Variants in PTPRA observed in about 807,000 individuals in gnomAD.
PTPRA encodes receptor-type tyrosine-protein phosphatase alpha.
Under a neutral mutation model 104.8 loss-of-function variants are expected in PTPRA, and 25 were observed. That is an observed-to-expected ratio of 0.24 (90% CI 0.17 to 0.33). The LOEUF is 0.33. Among genes scored for constraint, PTPRA ranks in the 10% least tolerant of loss-of-function variants. PTPRA has a pLI of 1.00. For synonymous variants in PTPRA, 323 were observed against 368.9 expected (o/e 0.88, Z 1.43); for missense variants, 765 against 1,015.3 (o/e 0.75, Z 3.35).
chr20:2,894,814 G>C (rs559268583), intron 1 of PTPRA, among the ~76,000 whole-genome samples: 1 of 151,776 alleles, frequency 6.6e-6, no homozygotes, highest in African/African-American at 2.4e-5. Flanking sequence ...GTGAAACCCC[G>C]TCTCTACTAA....
chr20:2,904,386 G>A (rs6132984), intron 1 of PTPRA, among the ~76,000 whole-genome samples: 6,462 of 151,914 alleles, frequency 0.043, 313 homozygotes, highest in Admixed American at 0.11. Context: ...GATATAAAAT[G>A]CTGGCCAGGC....
At chr20:2,949,379 G>T (rs965089248) in intron 3 of PTPRA, among the ~76,000 whole-genome samples, 1 of 148,280 alleles carries the variant, frequency 6.7e-6, no homozygotes, top group Non-Finnish European at 1.5e-5. Context: ...CTAAATTCTC[G>T]TAGGTTTTCT....
chr20:3,025,314 A>T (rs781043899), intron 17 of PTPRA, among the ~76,000 whole-genome samples: 17 of 152,056 alleles, frequency 1.1e-4, no homozygotes, highest in Non-Finnish European at 2.4e-4. Flanking sequence ...GTAGCCAGGC[A>T]TGATGGCACA....
chr20:2,982,091 CTTTT>C (rs11475103), intron 6 of PTPRA, among the ~76,000 whole-genome samples: 3 of 136,572 alleles, frequency 2.2e-5, no homozygotes, highest in African/African-American at 2.8e-5. Flanking sequence ...TCTTCTTCTT[CTTTT>C]TTTTTTTTTT....
chr20:2,998,196 A>AAT, intron 9 of PTPRA, among the ~76,000 whole-genome samples: 1 of 143,944 alleles, frequency 6.9e-6, no homozygotes, highest in Non-Finnish European at 1.5e-5. Flanking sequence ...AAAAAAAAAA[A>AAT]GGCTTAGCTC....
chr20:3,023,482 C>T (rs1255275048), intron 16 of PTPRA, among the ~76,000 whole-genome samples: 1 of 152,202 alleles, frequency 6.6e-6, no homozygotes, highest in Non-Finnish European at 1.5e-5. Context: ...GAGAAAACCG[C>T]CTTATGGCTG....
chr20:2,980,683 C>G (rs145769172), intron 6 of PTPRA, among the ~76,000 whole-genome samples: 180 of 152,294 alleles, frequency 1.2e-3, no homozygotes, highest in Admixed American at 1.9e-3. Context: ...CCCCCTCCCC[C>G]CATCTCTACA....
intron 1 of PTPRA, among the ~76,000 whole-genome samples, chr20:2,909,990 TATATATAATCTATCATATATC>T (rs1316989216): frequency 0.028 from 2,498 of 87,724 alleles, 98 homozygotes; most frequent in African/African-American, 0.083. Context: ...TCATATATCA[TATATATAATCTATCATATATC>T]ATATATAATC....
intron 5 of PTPRA, among the ~76,000 whole-genome samples, chr20:2,973,490 T>C (rs1395001862): frequency 2.0e-5 from 3 of 152,162 alleles, no homozygotes; most frequent in African/African-American, 4.8e-5. Context: ...CCAAAGTGTC[T>C]TTCTCTCCCC....
At chr20:2,937,425 C>G (rs1485135917) in intron 2 of PTPRA, among the ~76,000 whole-genome samples, 1 of 152,050 alleles carries the variant, frequency 6.6e-6, no homozygotes, top group Non-Finnish European at 1.5e-5. Flanking sequence ...GCCTGGCACA[C>G]CTTCCTTCTT....
chr20:2,902,556 G>A (rs756211471), intron 1 of PTPRA, among the ~76,000 whole-genome samples: 5 of 152,120 alleles, frequency 3.3e-5, no homozygotes, highest in Non-Finnish European at 7.4e-5. Context: ...ACACATATTG[G>A]AAAGATTGAT....
At chr20:2,931,046 A>AGAGTCTGGACCACTGG (rs1396495854) in intron 2 of PTPRA, among the ~76,000 whole-genome samples, 1 of 152,226 alleles carries the variant, frequency 6.6e-6, no homozygotes, top group African/African-American at 2.4e-5. Context: ...TCAGTAGACC[A>AGAGTCTGGACCACTGG]GAGTCTGGAC....
chr20:2,865,921 AG>A, the PTPRA span: 3 of 496,862 alleles, frequency 6.0e-6, no homozygotes, highest in Non-Finnish European at 1.1e-5. The surrounding 1 kb of genome is among the most constrained non-coding windows in gnomAD (Gnocchi z 5.2). Flanking sequence ...AGGAAATGTG[AG>A]GGCTGGTGGC....
At chr20:2,959,149 A>G (rs1273587761) in intron 3 of PTPRA, among the ~76,000 whole-genome samples, 1 of 152,170 alleles carries the variant, frequency 6.6e-6, no homozygotes, top group African/African-American at 2.4e-5. Flanking sequence ...TGTTAGTGAC[A>G]TGGATCTTCT....
At chr20:2,947,398 G>A (rs2061174752) in intron 2 of PTPRA, among the ~76,000 whole-genome samples, 2 of 152,120 alleles carry the variant, frequency 1.3e-5, no homozygotes, top group African/African-American at 4.8e-5. Context: ...TATACTTCCT[G>A]TATCTTAATT....
chr20:3,026,313 A>G (rs2065144008), intron 17 of PTPRA, among the ~76,000 whole-genome samples: 1 of 152,188 alleles, frequency 6.6e-6, no homozygotes, highest in African/African-American at 2.4e-5. Context: ...AAATGTCAAG[A>G]AGGAGCCTCA....
chr20:2,933,910 C>T (rs929121849), intron 2 of PTPRA, among the ~76,000 whole-genome samples: 1 of 151,994 alleles, frequency 6.6e-6, no homozygotes, highest in African/African-American at 2.4e-5. Flanking sequence ...AGGAAGGCTA[C>T]CTCAGCCTGA....
At chr20:2,975,087 AGTT>A in intron 5 of PTPRA, 125 bp from the exon 6 acceptor site, 2 of 773,096 alleles carry the variant, frequency 2.6e-6, no homozygotes, top group Non-Finnish European at 4.1e-6. Flanking sequence ...CTTGTTTCCC[AGTT>A]GTTGGAGGAT....
chr20:2,887,428 G>A (rs117000514), intron 1 of PTPRA, among the ~76,000 whole-genome samples: 2,353 of 152,276 alleles, frequency 0.015, 123 homozygotes, highest in Admixed American at 0.09. Context: ...AATGTGGCCA[G>A]TGATGATGGT....
Sources: allele counts gnomAD v4.1 joint callset (sites outside exome capture counted in the v4.1 genomes callset), GRCh38; gene constraint gnomAD v4.1.1; non-coding constraint Gnocchi (gnomAD v3.1); transcripts MANE v1.5; gene names NCBI Gene and HGNC (gene_info 2026-07-23, HGNC 2026-07-21).